The following KIF4A variants were observed in gnomAD, a reference collection of about 807,000 sequenced individuals.
KIF4A encodes the protein chromosome-associated kinesin KIF4A.
Under a neutral mutation model 105.9 loss-of-function variants are expected in KIF4A, and 7 were observed. That is an observed-to-expected ratio of 0.07 (90% CI 0.04 to 0.12). The LOEUF (loss-of-function observed/expected upper bound fraction) is 0.12, where lower values mean the gene tolerates loss of function less well. Ranked by LOEUF, KIF4A falls within the 10% of genes least tolerant of loss-of-function variation. The pLI is 1.00. For synonymous variants in KIF4A, 281 were observed against 331.3 expected (o/e 0.85, Z 1.65); for missense variants, 558 against 929.2 (o/e 0.60, Z 5.19).
At chrX:70,419,948 T>A in intron 30 of KIF4A, 114 bp from the exon 31 acceptor site, 1 of 997,728 alleles carries the variant, frequency 1.0e-6, no homozygotes, top group Non-Finnish European at 1.4e-6. Flanking sequence ...CATAGAATGA[T>A]CTTAAAGAAC....
In KIF4A at chrX:70,343,704, C is replaced by A. The variant is rs1467902533; in HGVS notation, c.1268C>A (p.Thr423Lys). The A allele has an allele frequency of 8.3e-7, 1 of 1,209,321 alleles. No homozygotes were observed. The highest frequency in any genetic ancestry group is 1.1e-6 in the Non-Finnish European group (1 of 894,665). Residue 423 changes from threonine to lysine, a missense_variant and splice_region_variant, in exon 12 of 31, where the codon ACA becomes AAA. Thr to Lys is a moderately conservative substitution (Grantham distance 78). Transcript: ENST00000374403. Reference sequence around the variant, plus strand: ...TGATCTCCTGGGTCTTTGTTGCAGACAGAGCAAGCGAATGAAAAAATGAAC... The same window carrying A: ...TGATCTCCTGGGTCTTTGTTGCAGAAAGAGCAAGCGAATGAAAAAATGAAC... ...TAQMLERIIL[T>K]EQANEKMNAK... is the part of the protein sequence containing the mutation.
At chrX:70,399,051 G>A (rs1383078969) in intron 22 of KIF4A, among the ~76,000 whole-genome samples, 2 of 111,564 alleles carry the variant, frequency 1.8e-5, no homozygotes, top group African/African-American at 6.5e-5. Flanking sequence ...ATGGTGTTGC[G>A]AAAGCAGTAA....
intron 18 of KIF4A, among the ~76,000 whole-genome samples, chrX:70,378,841 C>T (rs111946666): frequency 0.058 from 6,294 of 108,241 alleles, 196 homozygotes; most frequent in Middle Eastern, 0.088. Flanking sequence ...ACTGACAAAC[C>T]TTCAGATAGC....
At position 70,373,520 on chromosome X, in the gene KIF4A, GTA is replaced by G. The variant is rs1405085439; in HGVS notation, c.1675-629_1675-628del. Among the ~76,000 whole-genome samples the G allele has an allele frequency of 2.4e-3, 14 of 5,878 alleles. No individual in the cohort carries two copies. In the South Asian group the frequency reaches 0.049, roughly 21 times the overall value. The allele number at this position is 5,878 out of a possible 115,157, so 5.1% of individuals were successfully genotyped here. ...GCAACATATATATATACATGTGTGT[GTA>G]TGTATATATATATATATATATATAT... On this transcript the variant is annotated intron_variant, in intron 15 of 30. Transcript: ENST00000374403.
intron 22 of KIF4A, among the ~76,000 whole-genome samples, chrX:70,400,862 G>A (rs1180542244): frequency 1.8e-5 from 2 of 109,688 alleles, no homozygotes. Flanking sequence ...CCACCTCTTG[G>A]GTTCAAGCAA....
At chrX:70,411,315 A>G (rs192326860) in intron 28 of KIF4A, among the ~76,000 whole-genome samples, 1 of 110,889 alleles carries the variant, frequency 9.0e-6, no homozygotes, top group African/African-American at 3.3e-5. Flanking sequence ...AAAAAAAAAA[A>G]AAGAATGGAG....
chrX:70,391,081 T>A (rs1294397876), intron 20 of KIF4A, among the ~76,000 whole-genome samples: 1 of 112,083 alleles, frequency 8.9e-6, no homozygotes, highest in Non-Finnish European at 1.9e-5. Context: ...TAAAAACACA[T>A]ACACGTTTCT....
intron 3 of KIF4A, 28 bp from the exon 4 acceptor site, chrX:70,296,970 A>G (rs2147658054): frequency 1.7e-6 from 2 of 1,186,624 alleles, no homozygotes; most frequent in Non-Finnish European, 2.3e-6. Flanking sequence ...TTTAAACACC[A>G]CTATGCATGT....
intron 7 of KIF4A, among the ~76,000 whole-genome samples, chrX:70,304,615 C>A (rs2085818907): frequency 9.6e-6 from 1 of 103,737 alleles, no homozygotes. Context: ...TTTCAAGGTT[C>A]ATCCATGTTG....
Position 70,374,517 on chromosome X carries a change from C to T in KIF4A, c.1778+263C>T, listed in dbSNP as rs12013556. On this transcript the variant is annotated intron_variant, in intron 16 of 30. Transcript: ENST00000374403. Reference sequence around the variant, plus strand: ...AGTAATTGTGTTAAGAGTTCAGAGGCGAGGAATATCAATTCAGGCTACCAT... The same window carrying T: ...AGTAATTGTGTTAAGAGTTCAGAGGTGAGGAATATCAATTCAGGCTACCAT... 0.017 allele frequency among the ~76,000 whole-genome samples: 1,868 copies of T among 111,405 alleles called. 38 individuals are homozygous for T. Among genetic ancestry groups the T allele is most frequent in the African/African-American group, 0.057 (1,750 of 30,714 alleles).
chrX:70,290,625 T>TGGTAA, intron 2 of KIF4A, 47 bp downstream of exon 2: 1 of 1,207,643 alleles, frequency 8.3e-7, no homozygotes, highest in South Asian at 1.8e-5. Flanking sequence ...TGGGGCCAAA[T>TGGTAA]GGTAACGAGG....
intron 20 of KIF4A, among the ~76,000 whole-genome samples, chrX:70,391,220 T>C (rs1458356452): frequency 8.9e-6 from 1 of 112,552 alleles, no homozygotes. Flanking sequence ...TGCTGATATA[T>C]AGAAATACAA....
intron 3 of KIF4A, among the ~76,000 whole-genome samples, chrX:70,296,305 A>G (rs971150036): frequency 1.6e-4 from 18 of 110,649 alleles, no homozygotes; most frequent in African/African-American, 5.9e-4. Flanking sequence ...GTCTAATGTT[A>G]AACTCCTGAG....
In KIF4A at chrX:70,391,601, T is replaced by C. The variant is rs142433299; in HGVS notation, c.2233-4070T>C. Among the ~76,000 whole-genome samples, 565 of 112,188 alleles carry C rather than the reference T, an allele frequency of 5.0e-3. 4 individuals carry two copies. The highest frequency in any genetic ancestry group is 0.017 in the African/African-American group (536 of 30,925). ...GTTCAAATATGGAACCAACCTTGCA[T>C]TTCTTTTTTTTTTCTTTCCGACTTT... On this transcript the variant is annotated intron_variant, in intron 20 of 30. Coordinates refer to ENST00000374403, the MANE Select transcript of KIF4A (RefSeq NM_012310.5).
At chrX:70,384,125 C>G (rs1256317717) in intron 18 of KIF4A, among the ~76,000 whole-genome samples, 1 of 111,929 alleles carries the variant, frequency 8.9e-6, no homozygotes, top group Admixed American at 9.6e-5. Context: ...GACAACTTTA[C>G]ATTCTACAGG....
At position 70,347,714 on chromosome X, in the gene KIF4A, G is replaced by A. The variant is rs563049218; in HGVS notation, c.1431+3732G>A. Among the ~76,000 whole-genome samples, 48 of 108,170 alleles carry A rather than the reference G, an allele frequency of 4.4e-4. No individual in the cohort carries two copies. The South Asian group carries it at 0.018, about 41-fold the overall frequency. 93.9% of individuals were successfully genotyped at this position (108,170 alleles called of 115,157 possible). Reference sequence around the variant, plus strand: ...TTTAGGGCCGGGCGCGGTGGCTCACGCCTGTAATCCCAGCACTTTGGGAGG... The same window carrying A: ...TTTAGGGCCGGGCGCGGTGGCTCACACCTGTAATCCCAGCACTTTGGGAGG... On this transcript the variant is annotated intron_variant, in intron 13 of 30. Coordinates refer to ENST00000374403, the MANE Select transcript of KIF4A (RefSeq NM_012310.5).
chrX:70,311,945 C>A, intron 7 of KIF4A, among the ~76,000 whole-genome samples: 1 of 101,652 alleles, frequency 9.8e-6, no homozygotes, highest in African/African-American at 3.7e-5. Flanking sequence ...TAGAGTGGGA[C>A]CGTCTCTAAA....
intron 29 of KIF4A, among the ~76,000 whole-genome samples, chrX:70,418,860 G>A (rs1017241688): frequency 5.4e-5 from 6 of 111,182 alleles, no homozygotes; most frequent in Non-Finnish European, 1.1e-4. Flanking sequence ...CGAGGCGGGC[G>A]GATCACGAGG....
chrX:70,411,776 G>A (rs908551799), intron 28 of KIF4A, among the ~76,000 whole-genome samples: 5 of 110,600 alleles, frequency 4.5e-5, no homozygotes, highest in Non-Finnish European at 7.6e-5. Context: ...TCCCTTGGCC[G>A]GGTGTGGTTG....
Sources: allele counts gnomAD v4.1 joint callset (sites outside exome capture counted in the v4.1 genomes callset), GRCh38; gene constraint gnomAD v4.1.1; transcripts MANE v1.5; gene names NCBI Gene and HGNC (gene_info 2026-07-23, HGNC 2026-07-21).